LRMDA: variants seen among roughly 807,000 people sequenced by gnomAD.
LRMDA encodes leucine rich melanocyte differentiation associated, also known as leucine-rich melanocyte differentiation-associated protein.
In LRMDA, 18 loss-of-function variants were observed where a neutral mutation model predicts 29.8. That is an observed-to-expected ratio of 0.60 (90% CI 0.42 to 0.90). LRMDA has a LOEUF of 0.90. Ranked by LOEUF, LRMDA falls within the 40% of genes least tolerant of loss-of-function variation. The pLI is 0.00. For missense variants in LRMDA, 273 were observed against 273.9 expected, an observed-to-expected ratio of 1.00 and a Z score of 0.02; for synonymous variants, 125 against 109.4, an observed-to-expected ratio of 1.14 and a Z score of -0.89.
intron 2 of LRMDA, among the ~76,000 whole-genome samples, chr10:75,444,747 G>A (rs765988069): frequency 2.2e-4 from 33 of 152,264 alleles, no homozygotes; most frequent in Admixed American, 9.8e-4. Context: ...AAAACCCAGA[G>A]AAAGTATGGA....
chr10:75,798,804 A>C (rs1414510968), intron 2 of LRMDA, among the ~76,000 whole-genome samples: 4 of 151,980 alleles, frequency 2.6e-5, no homozygotes, highest in Admixed American at 2.6e-4. Flanking sequence ...ACTTTATTCT[A>C]TTGTTGACCC....
At chr10:75,974,200 C>T (rs1363333133) in intron 2 of LRMDA, among the ~76,000 whole-genome samples, 1 of 152,176 alleles carries the variant, frequency 6.6e-6, no homozygotes, top group Non-Finnish European at 1.5e-5. Flanking sequence ...CTTGGTTCCA[C>T]CTAACTGTTC....
In LRMDA at chr10:75,929,295, A is replaced by G. The variant is rs200132636; in HGVS notation, c.132-106713A>G. Among the ~76,000 whole-genome samples, 997 of 151,110 alleles carry G rather than the reference A, an allele frequency of 6.6e-3. 50 individuals carry two copies. The East Asian group carries it at 0.14, about 22-fold the overall frequency. On this transcript the variant is annotated intron_variant, in intron 2 of 6. Transcript: ENST00000611255. The stretch of plus-strand genomic sequence containing the variant: ...ATACAAGCATTTAAATGCATGATCT[A>G]TGTGTGTGTGTGTGTGTGTAAATGA...
chr10:76,329,882 T>C (rs1260208397), intron 6 of LRMDA, among the ~76,000 whole-genome samples: 1 of 152,206 alleles, frequency 6.6e-6, no homozygotes, highest in Admixed American at 6.5e-5. Flanking sequence ...GCCTGAGATA[T>C]CATAAAATAC....
chr10:75,710,102 T>C (rs1842418281), intron 2 of LRMDA, among the ~76,000 whole-genome samples: 1 of 152,218 alleles, frequency 6.6e-6, no homozygotes, highest in Admixed American at 6.5e-5. Context: ...GAGTAATCTG[T>C]GAATAACATT....
intron 6 of LRMDA, among the ~76,000 whole-genome samples, chr10:76,525,388 A>T (rs1258891564): frequency 6.6e-6 from 1 of 152,190 alleles, no homozygotes; most frequent in African/African-American, 2.4e-5. Context: ...CATCTCACCC[A>T]CTACTGCTCC....
At chr10:75,577,224 C>T (rs914153362) in intron 2 of LRMDA, among the ~76,000 whole-genome samples, 5 of 152,142 alleles carry the variant, frequency 3.3e-5, no homozygotes, top group Admixed American at 6.5e-5. Context: ...AAACACAGCA[C>T]GAGAACTTCG....
chr10:75,909,182 A>G (rs1845805273), intron 2 of LRMDA, among the ~76,000 whole-genome samples: 1 of 152,200 alleles, frequency 6.6e-6, no homozygotes, highest in African/African-American at 2.4e-5. Context: ...ATTTTACCCT[A>G]GTATAGTAAG....
At chr10:75,612,349 A>G (rs561844743) in intron 2 of LRMDA, among the ~76,000 whole-genome samples, 1 of 152,208 alleles carries the variant, frequency 6.6e-6, no homozygotes, top group African/African-American at 2.4e-5. Context: ...GCAATAATGA[A>G]TATTCTTATA....
intron 6 of LRMDA, among the ~76,000 whole-genome samples, chr10:76,357,823 C>A (rs866809193): frequency 6.6e-6 from 1 of 152,186 alleles, no homozygotes; most frequent in Admixed American, 6.5e-5. Context: ...ACCTGGCCTT[C>A]GTGGTTCTTT....
intron 4 of LRMDA, among the ~76,000 whole-genome samples, chr10:76,051,926 T>G (rs1262302156): frequency 2.6e-5 from 4 of 152,274 alleles, no homozygotes; most frequent in African/African-American, 9.6e-5. Context: ...CTGAAGCCAT[T>G]GCTAAGTTTA....
intron 2 of LRMDA, among the ~76,000 whole-genome samples, chr10:75,579,321 G>C (rs1840555899): frequency 6.6e-6 from 1 of 152,190 alleles, no homozygotes. Flanking sequence ...AAAGAATCTA[G>C]AAGAAATGGG....
intron 6 of LRMDA, among the ~76,000 whole-genome samples, chr10:76,493,843 T>C (rs1842856949): frequency 6.6e-6 from 1 of 152,114 alleles, no homozygotes; most frequent in African/African-American, 2.4e-5. Flanking sequence ...TAAAATATTG[T>C]TTCAATCCAT....
At chr10:76,555,927 T>G (rs1843551498) in intron 6 of LRMDA, among the ~76,000 whole-genome samples, 1 of 152,132 alleles carries the variant, frequency 6.6e-6, no homozygotes, top group African/African-American at 2.4e-5. Flanking sequence ...TTTCTAGTTG[T>G]GTACAGTTCA....
At chr10:75,994,170 T>C (rs1262365990) in intron 2 of LRMDA, among the ~76,000 whole-genome samples, 2 of 152,230 alleles carry the variant, frequency 1.3e-5, no homozygotes, top group East Asian at 1.9e-4. Context: ...TGTATTTTCA[T>C]TGTAGTCGAA....
At chr10:76,530,636 A>G (rs1164617456) in intron 6 of LRMDA, among the ~76,000 whole-genome samples, 1 of 152,160 alleles carries the variant, frequency 6.6e-6, no homozygotes, top group African/African-American at 2.4e-5. Context: ...AGAACGAGAG[A>G]GGCAAGAAAT....
intron 6 of LRMDA, among the ~76,000 whole-genome samples, chr10:76,435,573 G>T (rs1485583932): frequency 2.0e-5 from 3 of 152,182 alleles, no homozygotes; most frequent in Admixed American, 6.5e-5. Flanking sequence ...ACCAAAAGGA[G>T]ACAATGTCTG....
chr10:76,089,485 G>A (rs1241739501), intron 5 of LRMDA, among the ~76,000 whole-genome samples: 1 of 152,228 alleles, frequency 6.6e-6, no homozygotes, highest in Non-Finnish European at 1.5e-5. Context: ...ACTTTGAGGA[G>A]AATCTGAGCT....
intron 2 of LRMDA, among the ~76,000 whole-genome samples, chr10:76,035,499 C>T (rs1848226112): frequency 6.6e-6 from 1 of 151,980 alleles, no homozygotes; most frequent in Admixed American, 6.6e-5. Context: ...CCTGTCGTTT[C>T]CCCCGCGACT....
Sources: allele counts gnomAD v4.1 joint callset (sites outside exome capture counted in the v4.1 genomes callset), GRCh38; gene constraint gnomAD v4.1.1; transcripts MANE v1.5; gene names NCBI Gene and HGNC (gene_info 2026-07-23, HGNC 2026-07-21).